Variants in ARAP2 observed in about 807,000 individuals in gnomAD.
ARAP2 encodes arf-GAP with Rho-GAP domain, ANK repeat and PH domain-containing protein 2.
ARAP2 carries 148 observed loss-of-function variants against 194.5 expected under a neutral mutation model. The observed-to-expected ratio is 0.76, with a 90% CI of 0.67 to 0.87. ARAP2 has a LOEUF of 0.87. ARAP2 is among the 40% of genes least tolerant of loss of function. ARAP2 has a pLI of 0.00. For synonymous variants in ARAP2, 695 were observed against 683.5 expected, an observed-to-expected ratio of 1.02 and a Z score of -0.26; for missense variants, 2,128 against 1,989.7, an observed-to-expected ratio of 1.07 and a Z score of -1.32.
chr4:36,040,159 C>T (rs994680999), intron 5 of ARAP2, among the ~76,000 whole-genome samples: 15 of 152,108 alleles, frequency 9.9e-5, no homozygotes, highest in African/African-American at 3.6e-4. Flanking sequence ...ATATTTTTCT[C>T]ACAAAATAGA....
chr4:36,106,455 C>T (rs368893700), intron 27 of ARAP2, among the ~76,000 whole-genome samples: 2 of 148,234 alleles, frequency 1.3e-5, no homozygotes, highest in South Asian at 2.3e-4. Context: ...AGTACTTTCA[C>T]GTAAGTAAAA....
intron 11 of ARAP2, among the ~76,000 whole-genome samples, chr4:36,162,847 G>A (rs941304384): frequency 6.6e-6 from 1 of 152,100 alleles, no homozygotes; most frequent in Admixed American, 6.5e-5. Context: ...AGATTGATAA[G>A]ATAAAATGAA....
chr4:36,108,521 G>A (rs1719019260), intron 26 of ARAP2, among the ~76,000 whole-genome samples: 1 of 151,918 alleles, frequency 6.6e-6, no homozygotes, highest in Non-Finnish European at 1.5e-5. Flanking sequence ...TAAAAAACAT[G>A]ATGTGTCAAT....
chr4:36,102,551 A>C lies in ARAP2; in HGVS notation c.4285+5014T>G, dbSNP rs1717244865. 2.0e-5 allele frequency among the ~76,000 whole-genome samples: 3 copies of C among 152,044 alleles called. No individual in the cohort carries two copies. The South Asian group carries it at 6.2e-4, about 31-fold the overall frequency. On this transcript the variant is annotated intron_variant, in intron 27 of 32. Coordinates refer to ENST00000303965, the MANE Select transcript of ARAP2 (RefSeq NM_015230.4). ...TAAAGAAGGATAGCATGCACAAGAAAAACTAAGAAATGATATTTCCTTGAA... is the reference window on the plus strand; with the variant it reads ...TAAAGAAGGATAGCATGCACAAGAACAACTAAGAAATGATATTTCCTTGAA...
Position 36,165,128 on chromosome 4 carries a change from G to T in ARAP2, c.1974-15C>A. The T allele has an allele frequency of 6.2e-7, 1 of 1,613,320 alleles. No individual in the cohort carries two copies. Among genetic ancestry groups the T allele is most frequent in the Non-Finnish European group, 8.5e-7 (1 of 1,179,466 alleles). Reference sequence around the variant, plus strand: ...CGGCTGTAAAGCTGAAACAATTAACGTTTCTGTGTTATCGATCTCCCTTGT... The same window carrying T: ...CGGCTGTAAAGCTGAAACAATTAACTTTTCTGTGTTATCGATCTCCCTTGT... On this transcript the variant is annotated splice_polypyrimidine_tract_variant and intron_variant, in intron 10 of 32. Transcript: ENST00000303965.
At chr4:36,009,868 C>G (rs73121761) in intron 9 of ARAP2, among the ~76,000 whole-genome samples, 18 of 99,426 alleles carry the variant, frequency 1.8e-4, no homozygotes, top group African/African-American at 7.0e-4. Context: ...TTCAGAAGCT[C>G]CTTGTTTTTT....
intron 27 of ARAP2, among the ~76,000 whole-genome samples, chr4:36,092,326 T>C (rs957934068): frequency 2.0e-5 from 3 of 152,086 alleles, no homozygotes; most frequent in African/African-American, 4.8e-5. Context: ...AAAATATATA[T>C]CGGCTGGGCG....
At chr4:36,064,685 G>A (rs1165818683), downstream of ARAP2, among the ~76,000 whole-genome samples, 1 of 152,184 alleles carries the variant, frequency 6.6e-6, no homozygotes, top group Non-Finnish European at 1.5e-5. Flanking sequence ...AGGAGCTCTG[G>A]TGACCCCAGA....
At chr4:36,091,817 T>C in intron 28 of ARAP2, 64 bp downstream of exon 28, 1 of 1,482,686 alleles carries the variant, frequency 6.7e-7, no homozygotes, top group Non-Finnish European at 9.1e-7. Context: ...TGGCTGACAG[T>C]AGCATAAAAT....
chr4:36,141,505 A>C (rs12648835), intron 19 of ARAP2, among the ~76,000 whole-genome samples: 1 of 151,750 alleles, frequency 6.6e-6, no homozygotes, highest in Non-Finnish European at 1.5e-5. Flanking sequence ...CATGCTATGC[A>C]TATAGAGAAA....
At chr4:36,203,256 T>C (rs1744811569) in intron 6 of ARAP2, among the ~76,000 whole-genome samples, 1 of 152,086 alleles carries the variant, frequency 6.6e-6, no homozygotes, top group South Asian at 2.1e-4. Flanking sequence ...TAACTATCAA[T>C]ACTCAAAGTC....
At chr4:36,047,673 G>A (rs1211922326) in intron 3 of ARAP2, among the ~76,000 whole-genome samples, 2 of 151,998 alleles carry the variant, frequency 1.3e-5, no homozygotes, top group Non-Finnish European at 2.9e-5. Context: ...TCCTTCTCAG[G>A]TGGACACTCC....
chr4:36,060,148 G>A (rs1724180914), intron 1 of ARAP2, among the ~76,000 whole-genome samples: 1 of 152,272 alleles, frequency 6.6e-6, no homozygotes, highest in South Asian at 2.1e-4. Context: ...TGATTGAAGT[G>A]AGTTTGTGTG....
chr4:36,045,818 T>C (rs1009892868), intron 5 of ARAP2, among the ~76,000 whole-genome samples: 1 of 151,656 alleles, frequency 6.6e-6, no homozygotes, highest in East Asian at 1.9e-4. Flanking sequence ...CAAAAAGATA[T>C]GCAATTATTG....
Position 36,012,088 on chromosome 4 carries a change from A to G in ARAP2, n.1325+475T>C, listed in dbSNP as rs538998860. Among the ~76,000 whole-genome samples, 4 of 152,294 alleles carry G rather than the reference A, an allele frequency of 2.6e-5. No individual in the cohort carries two copies. The South Asian group carries it at 8.3e-4, about 32-fold the overall frequency. On this transcript the variant is annotated intron_variant and non_coding_transcript_variant, in intron 9 of 12. Coordinates refer to the ARAP2 transcript ENST00000503225. ...ATTATTAAATAATTTCCAATGAACT[A>G]TTAATTTGAAACTTTTAGAATGTGT...
chr4:36,092,015 T>A lies in ARAP2; in HGVS notation c.4291A>T (p.Ser1431Cys). ...ADTIKHCSDRSTLGSIKEGIL... is the reference protein window; with the variant it reads ...ADTIKHCSDRCTLGSIKEGIL... ...CCTTCTTTGATGCTTCCCAGTGTACTCCGGTCTGTAAAGTACAGCATTACT... is the reference window on the plus strand; with the variant it reads ...CCTTCTTTGATGCTTCCCAGTGTACACCGGTCTGTAAAGTACAGCATTACT... The change falls in exon 28 of 33, where the codon AGT (serine) becomes TGT (cysteine). Residue 1431 changes from serine (S) to cysteine (C), a missense_variant. Transcript: ENST00000303965. The A allele has an allele frequency of 1.9e-6, 3 of 1,585,658 alleles. No individual in the cohort carries two copies. Among genetic ancestry groups the A allele is most frequent in the East Asian group, 2.3e-5 (1 of 44,392 alleles).
In ARAP2 at chr4:36,009,262, C is replaced by G. The variant is rs1713933234; in HGVS notation, n.1326-2216G>C. ...AATATGTTCATCACAGCATTATTCA[C>G]AATAACAAATACATAGAATCTACCC... On this transcript the variant is annotated intron_variant and non_coding_transcript_variant, in intron 9 of 12. Coordinates refer to the ARAP2 transcript ENST00000503225. Among the ~76,000 whole-genome samples the G allele has an allele frequency of 2.0e-5, 3 of 152,064 alleles. No homozygotes were observed. The South Asian group carries it at 6.2e-4, about 32-fold the overall frequency.
chr4:36,142,588 A>G lies in ARAP2; in HGVS notation c.3263+4708T>C, dbSNP rs57073421. ...ATCTTATGGAGTATGTATTCTCACTAGGCATGTCCTTCTGTCAGCACTTGA... is the reference window on the plus strand; with the variant it reads ...ATCTTATGGAGTATGTATTCTCACTGGGCATGTCCTTCTGTCAGCACTTGA... On this transcript the variant is annotated intron_variant, in intron 19 of 32. Transcript: ENST00000303965. Among the ~76,000 whole-genome samples the G allele has an allele frequency of 6.3e-3, 958 of 151,580 alleles. 12 individuals carry two copies. Among genetic ancestry groups the G allele is most frequent in the African/African-American group, 0.022 (906 of 41,424 alleles).
intron 6 of ARAP2, among the ~76,000 whole-genome samples, chr4:36,196,777 G>A (rs560495822): frequency 3.3e-5 from 5 of 151,874 alleles, no homozygotes; most frequent in Non-Finnish European, 7.4e-5. Flanking sequence ...AAATCTGTGG[G>A]TACATACTCG....
Sources: gnomAD v4.1 joint callset for allele counts (sites outside exome capture counted in the v4.1 genomes callset) on GRCh38, gnomAD v4.1.1 for gene constraint, MANE v1.5 for transcripts, NCBI Gene and HGNC (gene_info 2026-07-23, HGNC 2026-07-21) for gene names.